ERCC8: variants seen among roughly 807,000 people sequenced by gnomAD.
The protein encoded by ERCC8 is DNA excision repair protein ERCC-8.
Under a neutral mutation model 54.9 loss-of-function variants are expected in ERCC8, and 52 were observed. The ratio of observed to expected loss-of-function variants is 0.95; its 90% CI spans 0.76 to 1.19. The LOEUF (loss-of-function observed/expected upper bound fraction) is 1.19. Ranked by LOEUF, ERCC8 falls within the 50% of genes most tolerant of loss-of-function variation. ERCC8 has a pLI of 0.00. For synonymous variants in ERCC8, 146 were observed against 157.2 expected (o/e 0.93, Z 0.53); for missense variants, 514 against 466.1 (o/e 1.10, Z -0.95).
intron 1 of ERCC8, among the ~76,000 whole-genome samples, chr5:60,942,267 A>G (rs893844788): frequency 1.3e-5 from 2 of 152,194 alleles, no homozygotes; most frequent in African/African-American, 4.8e-5. Context: ...TTTCTTAAAA[A>G]GTAAAGGATT....
At position 60,899,950 on chromosome 5, in the gene ERCC8, C is replaced by T. The variant is rs6885974; in HGVS notation, c.618-223G>A. Among the ~76,000 whole-genome samples the T allele has an allele frequency of 0.02, 3,041 of 151,562 alleles. 121 individuals carry two copies. The highest frequency in any genetic ancestry group is 0.07 in the African/African-American group (2,888 of 41,408). ...AAAAAAAAAAAGTAACCTTTCTTTT[C>T]CAGATAACAAGAACAAAATTTTGCT... On this transcript the variant is annotated intron_variant, in intron 7 of 11. Transcript: ENST00000676185.
At chr5:60,927,107 G>C (rs1749771628) in intron 2 of ERCC8, among the ~76,000 whole-genome samples, 1 of 152,178 alleles carries the variant, frequency 6.6e-6, no homozygotes, top group Non-Finnish European at 1.5e-5. Context: ...AAGCTTCACA[G>C]AGTGATACGC....
intron 11 of ERCC8, among the ~76,000 whole-genome samples, chr5:60,879,544 TG>T (rs1309234362): frequency 6.6e-6 from 1 of 152,254 alleles, no homozygotes; most frequent in African/African-American, 2.4e-5. Context: ...TTTATGAATC[TG>T]GGTGCTCCTG....
rs1159158262 is a variant in ERCC8 at position 60,904,628 on chromosome 5, GTGTGTGTATATATA to G, written c.481+150_481+163del. On this transcript the variant is annotated intron_variant, in intron 5 of 11. Transcript: ENST00000676185. ...TATCTGTTGAATATATATAGTGTGT[GTGTGTGTATATATA>G]TATATATATATATATATATATATAT... Among the ~76,000 whole-genome samples the G allele has an allele frequency of 0.023, 1,551 of 67,726 alleles. 120 individuals are homozygous for G. The highest frequency in any genetic ancestry group is 0.13 in the East Asian group (262 of 2,086). 44.4% of individuals were successfully genotyped at this position (67,726 alleles called of 152,430 possible).
chr5:60,936,469 TTTTTGTTGCATTTATCTTTTGTG>T (rs777373265), intron 1 of ERCC8, among the ~76,000 whole-genome samples: 1 of 152,236 alleles, frequency 6.6e-6, no homozygotes, highest in African/African-American at 2.4e-5. Context: ...AAGAACCAGC[TTTTTGTTGCATTTATCTTTTGTG>T]TTTTGTTGTT....
intron 4 of ERCC8, among the ~76,000 whole-genome samples, chr5:60,908,676 G>C (rs140299416): frequency 0.014 from 2,058 of 149,094 alleles, 21 homozygotes; most frequent in Non-Finnish European, 0.022. Context: ...TGCTGCAAGT[G>C]GTACCAAGAA....
chr5:60,901,213 ATACTTC>A (rs781641016), intron 7 of ERCC8, among the ~76,000 whole-genome samples: 1 of 151,960 alleles, frequency 6.6e-6, no homozygotes, highest in African/African-American at 2.4e-5. Context: ...TCTAACTCTC[ATACTTC>A]TACTTCATTA....
intron 11 of ERCC8, among the ~76,000 whole-genome samples, chr5:60,884,369 G>A (rs898219350): frequency 6.6e-6 from 1 of 151,378 alleles, no homozygotes; most frequent in Admixed American, 6.6e-5. Flanking sequence ...CCAGCTACTC[G>A]GGAGGCTGAG....
chr5:60,923,694 T>C (rs931031245), intron 2 of ERCC8, among the ~76,000 whole-genome samples: 1 of 152,148 alleles, frequency 6.6e-6, no homozygotes, highest in Non-Finnish European at 1.5e-5. Context: ...AAATTCTTTA[T>C]GTCTCTTTTG....
chr5:60,909,006 G>A (rs1220725534), intron 4 of ERCC8, among the ~76,000 whole-genome samples: 1 of 151,912 alleles, frequency 6.6e-6, no homozygotes, highest in Admixed American at 6.6e-5. Flanking sequence ...GTCATTATAT[G>A]ACAATGTGAA....
intron 2 of ERCC8, among the ~76,000 whole-genome samples, chr5:60,927,101 T>G (rs1388598539): frequency 6.6e-6 from 1 of 152,214 alleles, no homozygotes; most frequent in African/African-American, 2.4e-5. Flanking sequence ...AAATTCAAGC[T>G]TCACAGAGTG....
intron 9 of ERCC8, among the ~76,000 whole-genome samples, chr5:60,895,978 T>C (rs527580929): frequency 2.2e-5 from 3 of 134,796 alleles, no homozygotes; most frequent in Non-Finnish European, 4.4e-5. Flanking sequence ...CATATTAATA[T>C]TTCTTTTCTT....
chr5:60,938,077 ATATATATATTTTAT>A (rs1233064560), intron 1 of ERCC8, among the ~76,000 whole-genome samples: 214 of 18,250 alleles, frequency 0.012, 1 homozygote, highest in East Asian at 0.07. Context: ...ATATATATAT[ATATATATATTTTAT>A]TTTTTTTTTT....
chr5:60,907,985 T>G (rs978929225), intron 4 of ERCC8, among the ~76,000 whole-genome samples: 5 of 152,212 alleles, frequency 3.3e-5, no homozygotes, highest in African/African-American at 1.2e-4. Context: ...CCCATCCTCT[T>G]TAAAGCAATC....
chr5:60,893,345 T>G (rs1466701960), intron 9 of ERCC8: 11 of 848,730 alleles, frequency 1.3e-5, no homozygotes, highest in Non-Finnish European at 1.9e-5. Flanking sequence ...ACAGTAGCTC[T>G]TGATAGACCT....
rs528000003 is a variant in ERCC8 at position 60,877,487 on chromosome 5, T to C, written c.1123-2804A>G. On this transcript the variant is annotated intron_variant, in intron 11 of 11. Transcript: ENST00000676185. ...GGGCAGCATGGCCATTTTCACAATATTGATTCTTCCTACCCATGAGCATGG... is the reference window on the plus strand; with the variant it reads ...GGGCAGCATGGCCATTTTCACAATACTGATTCTTCCTACCCATGAGCATGG... Among the ~76,000 whole-genome samples the C allele has an allele frequency of 3.3e-5, 5 of 152,352 alleles. No homozygotes were observed. The South Asian group carries it at 1.0e-3, about 32-fold the overall frequency.
intron 2 of ERCC8, among the ~76,000 whole-genome samples, chr5:60,924,986 T>A (rs1749705237): frequency 6.6e-6 from 1 of 152,184 alleles, no homozygotes; most frequent in Non-Finnish European, 1.5e-5. Context: ...AGTTCTCATC[T>A]GTTTTATAGA....
At chr5:60,898,104 T>TA (rs1252522586) in intron 9 of ERCC8, among the ~76,000 whole-genome samples, 172 bp downstream of exon 9, 2 of 152,102 alleles carry the variant, frequency 1.3e-5, no homozygotes, top group African/African-American at 4.8e-5. Context: ...AGGTAGTGGG[T>TA]AAGGGTGGGT....
At chr5:60,935,193 T>C (rs1385074564) in intron 1 of ERCC8, among the ~76,000 whole-genome samples, 1 of 152,216 alleles carries the variant, frequency 6.6e-6, no homozygotes, top group Admixed American at 6.5e-5. Context: ...TTTCCATTTG[T>C]TTGTGTCATC....
Sources: allele counts gnomAD v4.1 joint callset (sites outside exome capture counted in the v4.1 genomes callset), GRCh38; gene constraint gnomAD v4.1.1; transcripts MANE v1.5; gene names NCBI Gene and HGNC (gene_info 2026-07-23, HGNC 2026-07-21).